APBA2: variants seen among roughly 807,000 people sequenced by gnomAD.
The protein encoded by APBA2 is amyloid beta precursor protein binding family A member 2.
APBA2 carries 30 observed loss-of-function variants against 75.0 expected under a neutral mutation model. That is an observed-to-expected ratio of 0.40 (90% confidence interval 0.30 to 0.54). The LOEUF (loss-of-function observed/expected upper bound fraction) is 0.54, where lower values mean the gene tolerates loss of function less well. Among genes scored for constraint, APBA2 ranks in the 20% least tolerant of loss-of-function variants. APBA2 has a pLI of 0.49. For missense variants in APBA2, 801 were observed against 1,016.1 expected, an observed-to-expected ratio of 0.79 and a Z score of 2.88; for synonymous variants, 444 against 409.6, an observed-to-expected ratio of 1.08 and a Z score of -1.01.
chr15:28,938,611 G>T (rs1179008680), intron 2 of APBA2, among the ~76,000 whole-genome samples: 2 of 152,108 alleles, frequency 1.3e-5, no homozygotes, highest in Non-Finnish European at 2.9e-5. Flanking sequence ...CTGTTCAAGC[G>T]ATTTTCATGT....
chr15:28,945,314 C>T (rs1464191646), intron 2 of APBA2, among the ~76,000 whole-genome samples: 1 of 152,082 alleles, frequency 6.6e-6, no homozygotes, highest in Non-Finnish European at 1.5e-5. Context: ...CACAGTTGTT[C>T]GTGTTTGAAA....
In APBA2 at chr15:29,093,020, C is replaced by A. The variant is rs531899155; in HGVS notation, c.1070-55C>A. The A allele has an allele frequency of 1.8e-4, 284 of 1,611,246 alleles. 2 individuals carry two copies. The East Asian group carries it at 6.3e-3, about 36-fold the overall frequency. ...TGTGCTATGGCCAGGCATGCAAGTT[C>A]TTTGTTCAGGGGACTTCTCCTCTAG... On this transcript the variant is annotated intron_variant, in intron 6 of 14. Coordinates refer to ENST00000683413, the MANE Select transcript of APBA2 (RefSeq NM_001353788.2).
At chr15:28,916,723 C>A (rs1384479028) in intron 1 of APBA2, among the ~76,000 whole-genome samples, 9 of 152,356 alleles carry the variant, frequency 5.9e-5, no homozygotes, top group African/African-American at 1.4e-4. Flanking sequence ...CCTGTAAGAT[C>A]CCTCACTGTA....
chr15:29,059,106 A>G lies in APBA2; in HGVS notation c.951+4271A>G, dbSNP rs190530880. ...GAAGAATTTGAGTCACCCAACTCTC[A>G]CGTTCCCAGCTGAGGTTGAACAAGG... On this transcript the variant is annotated intron_variant, in intron 4 of 14. Transcript: ENST00000683413. 2.3e-3 allele frequency among the ~76,000 whole-genome samples: 346 copies of G among 152,322 alleles called. 2 individuals carry two copies. The highest frequency in any genetic ancestry group is 8.0e-3 in the African/African-American group (334 of 41,580).
At chr15:29,000,352 G>A (rs1180778677) in intron 3 of APBA2, among the ~76,000 whole-genome samples, 1 of 152,220 alleles carries the variant, frequency 6.6e-6, no homozygotes, top group Non-Finnish European at 1.5e-5. Context: ...CGATGGTTAA[G>A]CCTGAATGGA....
intron 3 of APBA2, among the ~76,000 whole-genome samples, chr15:29,039,474 G>C (rs2040924301): frequency 6.6e-6 from 1 of 152,068 alleles, no homozygotes; most frequent in Admixed American, 6.5e-5. Flanking sequence ...TCATTATAGT[G>C]GTTCTCAGCC....
chr15:29,087,867 G>A (rs1336595727), intron 6 of APBA2, among the ~76,000 whole-genome samples: 12 of 152,234 alleles, frequency 7.9e-5, no homozygotes, highest in Admixed American at 5.2e-4. Flanking sequence ...GCCAGGTCCC[G>A]TCTGCACTTT....
At chr15:28,993,444 G>A (rs1267038107) in intron 2 of APBA2, among the ~76,000 whole-genome samples, 2 of 152,212 alleles carry the variant, frequency 1.3e-5, no homozygotes, top group Admixed American at 1.3e-4. Context: ...ATGCTGCTGG[G>A]AAATGAGAGA....
In APBA2 at chr15:28,906,665, A is replaced by G. The variant is rs188498632; in HGVS notation, c.-204-14975A>G. Among the ~76,000 whole-genome samples the G allele has an allele frequency of 3.9e-5, 6 of 152,332 alleles. No homozygotes were observed. The East Asian group carries it at 9.6e-4, about 24-fold the overall frequency. On this transcript the variant is annotated intron_variant, in intron 1 of 14. Coordinates refer to ENST00000683413, the MANE Select transcript of APBA2 (RefSeq NM_001353788.2). Reference sequence around the variant, plus strand: ...CTCTGGACATCGACACTCTCTGGACATGATCAGTCTTTGTGGTTTCATTCA... The same window carrying G: ...CTCTGGACATCGACACTCTCTGGACGTGATCAGTCTTTGTGGTTTCATTCA...
intron 6 of APBA2, among the ~76,000 whole-genome samples, chr15:29,092,163 T>G (rs1213211952): frequency 6.6e-6 from 1 of 152,148 alleles, no homozygotes; most frequent in Non-Finnish European, 1.5e-5. Context: ...ACGGCTACCT[T>G]TACGCCTCAG....
chr15:28,965,006 G>A (rs186742407), intron 2 of APBA2, among the ~76,000 whole-genome samples: 53 of 151,772 alleles, frequency 3.5e-4, no homozygotes, highest in Admixed American at 1.6e-3. Flanking sequence ...TCCTTTTATG[G>A]ATATTGTGTT....
At chr15:29,073,742 A>G (rs2042726087) in intron 4 of APBA2, among the ~76,000 whole-genome samples, 1 of 152,194 alleles carries the variant, frequency 6.6e-6, no homozygotes, top group Non-Finnish European at 1.5e-5. Context: ...CTGGAACTGG[A>G]CTTACCATGC....
At chr15:28,954,737 C>T (rs756146198) in intron 2 of APBA2, among the ~76,000 whole-genome samples, 1 of 152,186 alleles carries the variant, frequency 6.6e-6, no homozygotes, top group Admixed American at 6.5e-5. Flanking sequence ...GTGAGGGCCT[C>T]CTGCCATGCT....
intron 6 of APBA2, among the ~76,000 whole-genome samples, chr15:29,091,748 G>C (rs183064903): frequency 1.3e-5 from 2 of 152,312 alleles, no homozygotes; most frequent in African/African-American, 4.8e-5. Flanking sequence ...AGCTGGGCCA[G>C]TTGATGATTT....
At chr15:28,897,542 C>T (rs567713992) in intron 1 of APBA2, among the ~76,000 whole-genome samples, 13 of 136,734 alleles carry the variant, frequency 9.5e-5, no homozygotes, top group Admixed American at 3.2e-4. Context: ...CACCTGAACC[C>T]GGGAGGTGGA....
At chr15:29,020,859 CAA>C (rs1360762298) in intron 3 of APBA2, among the ~76,000 whole-genome samples, 1 of 151,964 alleles carries the variant, frequency 6.6e-6, no homozygotes, top group African/African-American at 2.4e-5. Flanking sequence ...CCCAAACAAA[CAA>C]AAAACCAGAT....
At chr15:29,090,042 C>T (rs112914264) in intron 6 of APBA2, among the ~76,000 whole-genome samples, 6 of 152,154 alleles carry the variant, frequency 3.9e-5, no homozygotes, top group Admixed American at 6.5e-5. Flanking sequence ...ATATACTCCC[C>T]ACACCATGCC....
At chr15:29,020,156 C>T (rs879500292) in intron 3 of APBA2, among the ~76,000 whole-genome samples, 39 of 152,052 alleles carry the variant, frequency 2.6e-4, no homozygotes, top group Admixed American at 9.8e-4. Flanking sequence ...GAAGGTCACA[C>T]GTTCATGTGA....
At chr15:28,942,854 G>C (rs541369940) in intron 2 of APBA2, among the ~76,000 whole-genome samples, 3 of 152,196 alleles carry the variant, frequency 2.0e-5, no homozygotes, top group Non-Finnish European at 4.4e-5. Context: ...GCTTCTCCCC[G>C]GGCTGGGCCT....
Sources: gnomAD v4.1 joint callset for allele counts (sites outside exome capture counted in the v4.1 genomes callset) on GRCh38, gnomAD v4.1.1 for gene constraint, MANE v1.5 for transcripts, NCBI Gene and HGNC (gene_info 2026-07-23, HGNC 2026-07-21) for gene names.